Variants in DPYD observed in about 807,000 individuals in gnomAD.
The protein encoded by DPYD is dihydropyrimidine dehydrogenase [NADP(+)].
Under a neutral mutation model 116.2 loss-of-function variants are expected in DPYD, and 109 were observed. That is an observed-to-expected ratio of 0.94 (90% confidence interval 0.80 to 1.10). The LOEUF (loss-of-function observed/expected upper bound fraction) is 1.10, where lower values mean the gene tolerates loss of function less well. Ranked by LOEUF, DPYD falls within the 50% of genes least tolerant of loss-of-function variation. The pLI is 0.00. For missense variants in DPYD, 1,302 were observed against 1,254.5 expected (o/e 1.04, Z -0.57); for synonymous variants, 440 against 432.0 (o/e 1.02, Z -0.23).
intron 2 of DPYD, among the ~76,000 whole-genome samples, chr1:97,846,519 G>T (rs1670311240): frequency 6.6e-6 from 1 of 152,214 alleles, no homozygotes; most frequent in Non-Finnish European, 1.5e-5. Flanking sequence ...CCCCCAGGAT[G>T]TGATGCTACA....
At chr1:97,341,749 T>C (rs2101234407) in intron 16 of DPYD, among the ~76,000 whole-genome samples, 1 of 152,334 alleles carries the variant, frequency 6.6e-6, no homozygotes. Context: ...CATCCTTTTC[T>C]ACTGTTAGTG....
At chr1:97,841,501 G>C (rs1181136269) in intron 2 of DPYD, among the ~76,000 whole-genome samples, 1 of 151,984 alleles carries the variant, frequency 6.6e-6, no homozygotes, top group Non-Finnish European at 1.5e-5. Flanking sequence ...TTATGTTGAT[G>C]TATTTTACAA....
At chr1:97,888,213 T>C (rs1420690970) in intron 1 of DPYD, among the ~76,000 whole-genome samples, 1 of 152,004 alleles carries the variant, frequency 6.6e-6, no homozygotes, top group African/African-American at 2.4e-5. Flanking sequence ...AAAAATACAA[T>C]AGCTGATATG....
chr1:97,649,331 CA>C (rs1293254003), intron 8 of DPYD, among the ~76,000 whole-genome samples: 21 of 151,918 alleles, frequency 1.4e-4, no homozygotes. Context: ...TCTGATAGCA[CA>C]AAAGATGAGT....
chr1:97,812,185 C>A (rs2101394380), intron 3 of DPYD, among the ~76,000 whole-genome samples: 1 of 152,086 alleles, frequency 6.6e-6, no homozygotes, highest in Admixed American at 6.5e-5. Flanking sequence ...TTCAAAAAAC[C>A]ACCTCTTTTG....
At chr1:97,619,657 C>T (rs1434032478) in intron 8 of DPYD, among the ~76,000 whole-genome samples, 2 of 152,136 alleles carry the variant, frequency 1.3e-5, no homozygotes, top group African/African-American at 4.8e-5. Context: ...TTCAAGTAAT[C>T]ATGCTTCTTA....
chr1:97,883,580 C>T (rs1365231164), intron 1 of DPYD, among the ~76,000 whole-genome samples: 1 of 151,810 alleles, frequency 6.6e-6, no homozygotes, highest in East Asian at 2.0e-4. Flanking sequence ...CCAAGTAGCT[C>T]GGACTACAGG....
intron 3 of DPYD, among the ~76,000 whole-genome samples, chr1:97,752,885 G>A (rs1665011402): frequency 6.6e-6 from 1 of 152,060 alleles, no homozygotes; most frequent in Non-Finnish European, 1.5e-5. Context: ...CTGTCTTTGA[G>A]GTTAGTCTAC....
chr1:97,808,793 T>C (rs1278641650), intron 3 of DPYD, among the ~76,000 whole-genome samples: 1 of 151,550 alleles, frequency 6.6e-6, no homozygotes, highest in Non-Finnish European at 1.5e-5. Flanking sequence ...ATAATAAATA[T>C]ATGGAGTAAT....
chr1:97,259,241 G>A (rs567356312), intron 18 of DPYD, among the ~76,000 whole-genome samples: 2 of 152,156 alleles, frequency 1.3e-5, no homozygotes, highest in African/African-American at 4.8e-5. Flanking sequence ...TTGTGACAAT[G>A]CTGACTACTA....
At chr1:97,213,014 G>A (rs891759160) in intron 19 of DPYD, among the ~76,000 whole-genome samples, 1 of 152,122 alleles carries the variant, frequency 6.6e-6, no homozygotes, top group Non-Finnish European at 1.5e-5. Flanking sequence ...GGTGTCTGGT[G>A]AAGACTTGCT....
At chr1:97,369,819 C>T (rs965318195) in intron 16 of DPYD, among the ~76,000 whole-genome samples, 2 of 152,132 alleles carry the variant, frequency 1.3e-5, no homozygotes, top group African/African-American at 4.8e-5. Context: ...ACAAGATGTC[C>T]ACTTAACCAA....
intron 14 of DPYD, among the ~76,000 whole-genome samples, chr1:97,435,472 G>A (rs1044709266): frequency 6.6e-6 from 1 of 151,860 alleles, no homozygotes; most frequent in Admixed American, 6.6e-5. Flanking sequence ...TTTTAAGGAT[G>A]TCTGGTTTGC....
rs189145062 is a variant in DPYD, at chr1:97,780,024, T to C, written c.234-39545A>G. Among the ~76,000 whole-genome samples, 6 of 152,320 alleles carry C rather than the reference T, an allele frequency of 3.9e-5. No individual in the cohort carries two copies. In the South Asian group the frequency reaches 1.0e-3, roughly 26 times the overall value. On this transcript the variant is annotated intron_variant, in intron 3 of 22. Transcript: ENST00000370192. ...ATAACTTAATTTCTACATTGTTTGA[T>C]TTCAGTGAAGCTTCTAAAATCAAGT...
intron 4 of DPYD, among the ~76,000 whole-genome samples, chr1:97,735,639 G>C (rs1394878085): frequency 2.6e-5 from 4 of 150,994 alleles, no homozygotes; most frequent in Non-Finnish European, 5.9e-5. Flanking sequence ...AGTGCGCAGA[G>C]ATTGCGCCAC....
intron 12 of DPYD, among the ~76,000 whole-genome samples, chr1:97,537,429 A>G (rs1043081854): frequency 2.0e-5 from 3 of 152,190 alleles, no homozygotes; most frequent in African/African-American, 7.2e-5. Context: ...TCCTCTTCAG[A>G]AAGATAATTC....
chr1:97,393,159 A>G (rs1169088875), intron 14 of DPYD, among the ~76,000 whole-genome samples: 1 of 151,992 alleles, frequency 6.6e-6, no homozygotes, highest in South Asian at 2.1e-4. Flanking sequence ...TTTTTGCCCT[A>G]TCTCAGCTTT....
At chr1:97,246,907 A>G (rs780305840) in intron 18 of DPYD, among the ~76,000 whole-genome samples, 9 of 152,144 alleles carry the variant, frequency 5.9e-5, no homozygotes, top group Non-Finnish European at 1.0e-4. Context: ...AAATATTGCT[A>G]TTTACTGCCA....
chr1:97,864,723 C>A (rs1362713658), intron 2 of DPYD, among the ~76,000 whole-genome samples: 1 of 151,852 alleles, frequency 6.6e-6, no homozygotes, highest in East Asian at 1.9e-4. Context: ...CCAAATTATA[C>A]GAAGTTCTGG....
Sources: allele counts gnomAD v4.1 joint callset (sites outside exome capture counted in the v4.1 genomes callset), GRCh38; gene constraint gnomAD v4.1.1; transcripts MANE v1.5; gene names NCBI Gene and HGNC (gene_info 2026-07-23, HGNC 2026-07-21).